PTPRD: variants seen among roughly 807,000 people sequenced by gnomAD.
PTPRD encodes receptor-type tyrosine-protein phosphatase delta.
Under a neutral mutation model 214.5 loss-of-function variants are expected in PTPRD, and 34 were observed. The observed-to-expected ratio is 0.16, with a 90% CI of 0.12 to 0.21. PTPRD has a LOEUF of 0.21. PTPRD is among the 10% of genes least tolerant of loss of function. The probability of loss-of-function intolerance (pLI) is 1.00; values close to 1 mark genes in which losing one functional copy is unlikely to be tolerated. For missense variants in PTPRD, 2,545 were observed against 2,398.7 expected, an observed-to-expected ratio of 1.06 and a Z score of -1.27; for synonymous variants, 1,128 against 845.7, an observed-to-expected ratio of 1.33 and a Z score of -5.79.
At chr9:10,524,089 C>A (rs2134322699) in intron 2 of PTPRD, among the ~76,000 whole-genome samples, 1 of 152,066 alleles carries the variant, frequency 6.6e-6, no homozygotes, top group Admixed American at 6.6e-5. Context: ...TTGGTACACG[C>A]ACAGATTTCC....
At chr9:8,345,414 A>C (rs574151195) in intron 39 of PTPRD, among the ~76,000 whole-genome samples, 3 of 152,184 alleles carry the variant, frequency 2.0e-5, no homozygotes, top group Admixed American at 1.3e-4. Context: ...TTAGGTCAGC[A>C]GTCATTGCCA....
intron 3 of PTPRD, among the ~76,000 whole-genome samples, chr9:10,109,826 A>T (rs925577169): frequency 4.6e-5 from 7 of 152,120 alleles, no homozygotes; most frequent in African/African-American, 1.7e-4. Context: ...CTGGTTATAT[A>T]TTTTTTTCAT....
At chr9:9,922,943 C>T (rs908293376) in intron 5 of PTPRD, among the ~76,000 whole-genome samples, 9 of 132,742 alleles carry the variant, frequency 6.8e-5, no homozygotes, top group African/African-American at 2.5e-4. Flanking sequence ...ATGTAATATA[C>T]TGCTAGTATT....
At chr9:8,549,556 G>T (rs926699777) in intron 14 of PTPRD, among the ~76,000 whole-genome samples, 4 of 152,088 alleles carry the variant, frequency 2.6e-5, no homozygotes, top group South Asian at 2.1e-4. Flanking sequence ...AACTAAAAGG[G>T]ATAAGAACAA....
intron 3 of PTPRD, among the ~76,000 whole-genome samples, chr9:10,200,231 C>T (rs947978359): frequency 6.6e-6 from 1 of 152,052 alleles, no homozygotes; most frequent in African/African-American, 2.4e-5. Context: ...TTCTAAGTAT[C>T]TATCCATCTA....
rs998387116 is a variant in PTPRD at position 9,473,202 on chromosome 9, T to C, written c.-236-75720A>G. ...ATGATTTTTAGTTCTCACATATAAC[T>C]GAGAACACATGAATGAAAACATGCA... On this transcript the variant is annotated intron_variant, in intron 8 of 45. Coordinates refer to ENST00000381196, the MANE Select transcript of PTPRD (RefSeq NM_002839.4). Among the ~76,000 whole-genome samples the C allele has an allele frequency of 3.9e-5, 6 of 152,164 alleles. No individual in the cohort carries two copies. In the East Asian group the frequency reaches 1.2e-3, roughly 29 times the overall value.
intron 7 of PTPRD, among the ~76,000 whole-genome samples, chr9:9,730,138 C>T (rs955639384): frequency 1.3e-5 from 2 of 152,006 alleles, no homozygotes; most frequent in African/African-American, 4.8e-5. Context: ...ACTTTTTAAA[C>T]TCTCTAGATG....
chr9:8,777,133 C>T (rs867430635), intron 11 of PTPRD, among the ~76,000 whole-genome samples: 84 of 151,962 alleles, frequency 5.5e-4, no homozygotes, highest in South Asian at 1.0e-3. Context: ...GTGCGTGCCA[C>T]CGCGCCTAAT....
intron 13 of PTPRD, 136 bp downstream of exon 13, chr9:8,636,563 T>A (rs2096441646): frequency 8.8e-7 from 1 of 1,137,246 alleles, no homozygotes; most frequent in Non-Finnish European, 1.2e-6. Context: ...GAGTTACATT[T>A]TCCATCACTT....
intron 12 of PTPRD, chr9:8,701,460 C>A (rs537298733): frequency 2.6e-5 from 4 of 152,222 alleles, no homozygotes; most frequent in South Asian, 2.1e-4. Context: ...CATGGAGAAA[C>A]CCCGTCTCTA....
intron 9 of PTPRD, among the ~76,000 whole-genome samples, chr9:9,194,741 G>A (rs1223661962): frequency 6.6e-6 from 1 of 152,008 alleles, no homozygotes; most frequent in Non-Finnish European, 1.5e-5. Flanking sequence ...AGCGATAGTG[G>A]GAAAATAGTT....
chr9:8,613,369 T>G (rs2095513236), intron 14 of PTPRD, among the ~76,000 whole-genome samples: 1 of 152,188 alleles, frequency 6.6e-6, no homozygotes, highest in Non-Finnish European at 1.5e-5. Context: ...GGTGTAAACA[T>G]TATAATATCT....
chr9:10,138,305 C>T (rs1285883205), intron 3 of PTPRD, among the ~76,000 whole-genome samples: 2 of 152,050 alleles, frequency 1.3e-5, no homozygotes, highest in Non-Finnish European at 2.9e-5. Context: ...GAATACATTC[C>T]TAGAAACACA....
chr9:10,102,755 A>C (rs967481836), intron 3 of PTPRD, among the ~76,000 whole-genome samples: 1 of 151,658 alleles, frequency 6.6e-6, no homozygotes, highest in South Asian at 2.1e-4. Context: ...CAAAATGAGT[A>C]TAAAGAAAAA....
At chr9:10,585,616 T>A (rs2132609775) in intron 2 of PTPRD, among the ~76,000 whole-genome samples, 1 of 152,196 alleles carries the variant, frequency 6.6e-6, no homozygotes, top group Non-Finnish European at 1.5e-5. Context: ...TTTTATACGT[T>A]GCTTTTTTAA....
chr9:8,631,418 G>A (rs573527579), intron 14 of PTPRD, among the ~76,000 whole-genome samples: 2 of 151,850 alleles, frequency 1.3e-5, no homozygotes, highest in Admixed American at 6.6e-5. Context: ...GGTGGTAGCT[G>A]ACTTGATTGC....
intron 8 of PTPRD, among the ~76,000 whole-genome samples, chr9:9,488,625 T>C (rs986328793): frequency 4.6e-5 from 7 of 152,274 alleles, no homozygotes; most frequent in Non-Finnish European, 1.0e-4. Context: ...TTCTAGGAAG[T>C]GGAAAACACA....
intron 39 of PTPRD, among the ~76,000 whole-genome samples, chr9:8,351,887 G>T (rs2075594016): frequency 6.6e-6 from 1 of 151,980 alleles, no homozygotes; most frequent in East Asian, 1.9e-4. Context: ...AACAGAGAAG[G>T]GGCAGAAACT....
chr9:9,758,334 A>T (rs1220132241), intron 6 of PTPRD, among the ~76,000 whole-genome samples: 1 of 152,124 alleles, frequency 6.6e-6, no homozygotes, highest in African/African-American at 2.4e-5. Flanking sequence ...TATGAAAGCA[A>T]CACAAACCCA....
Sources: allele counts gnomAD v4.1 joint callset (sites outside exome capture counted in the v4.1 genomes callset), GRCh38; gene constraint gnomAD v4.1.1; transcripts MANE v1.5; gene names NCBI Gene and HGNC (gene_info 2026-07-23, HGNC 2026-07-21).